The following CUBN variants were observed in gnomAD, a reference collection of about 807,000 sequenced individuals.
CUBN encodes the protein 460 kDa receptor.
CUBN carries 282 observed loss-of-function variants against 405.3 expected under a neutral mutation model. The ratio of observed to expected loss-of-function variants is 0.70; its 90% CI spans 0.63 to 0.77. The LOEUF is 0.77. Ranked by LOEUF, CUBN falls within the 30% of genes least tolerant of loss-of-function variation. CUBN has a pLI of 0.00. For synonymous variants in CUBN, 1,684 were observed against 1,617.0 expected (o/e 1.04, Z -0.99); for missense variants, 4,514 against 4,475.2 (o/e 1.01, Z -0.25).
At chr10:17,056,608 C>CA (rs1028143372) in intron 22 of CUBN, among the ~76,000 whole-genome samples, 55 of 141,220 alleles carry the variant, frequency 3.9e-4, no homozygotes, top group Admixed American at 1.3e-3. Flanking sequence ...GACTCCGTCT[C>CA]AAAAAAAAAA....
At chr10:16,851,500 A>T in intron 59 of CUBN, 57 bp from the exon 60 acceptor site, 1 of 1,451,790 alleles carries the variant, frequency 6.9e-7, no homozygotes, top group Non-Finnish European at 9.7e-7. Context: ...CTTACATTGT[A>T]CATGGAGGGT....
At position 16,938,890 on chromosome 10, in the gene CUBN, G is replaced by T. The variant is rs1026468838; in HGVS notation, c.5733+73C>A. 3 of 1,345,674 alleles carry T rather than the reference G, an allele frequency of 2.2e-6. 1 individual carries two copies. Among genetic ancestry groups the T allele is most frequent in the South Asian group, 2.4e-5 (2 of 85,058 alleles). 83.4% of individuals were successfully genotyped at this position (1,345,674 alleles called of 1,614,324 possible). On this transcript the variant is annotated intron_variant, in intron 38 of 66. Coordinates refer to ENST00000377833, the MANE Select transcript of CUBN (RefSeq NM_001081.4). The stretch of plus-strand genomic sequence containing the variant: ...ATGATTTGCAAATGCTTGAATAGAC[G>T]TTACCTTGGATTTATTTTTACCAAT...
Position 16,948,698 on chromosome 10 carries a change from G to A in CUBN, c.5081-92C>T, listed in dbSNP as rs1199538424. ...ACACATCTTTACTCGAATTACAAGA[G>A]ACCAAAACAAAGTGAAGAAATTGCC... On this transcript the variant is annotated intron_variant, in intron 34 of 66. Transcript: ENST00000377833. 6 of 1,525,064 alleles carry A rather than the reference G, an allele frequency of 3.9e-6. No homozygotes were observed. In the Admixed American group the frequency reaches 7.5e-5, roughly 19 times the overall value. The allele number at this position is 1,525,064 out of a possible 1,614,324, so 94.5% of individuals were successfully genotyped here.
chr10:16,864,490 T>C (rs1343025486), intron 59 of CUBN, among the ~76,000 whole-genome samples: 2 of 152,094 alleles, frequency 1.3e-5, no homozygotes, highest in Non-Finnish European at 2.9e-5. Context: ...ATCTGCTTTA[T>C]CCCCATCACA....
intron 58 of CUBN, among the ~76,000 whole-genome samples, chr10:16,872,900 T>C (rs1840401921): frequency 6.6e-6 from 1 of 152,176 alleles, no homozygotes; most frequent in Non-Finnish European, 1.5e-5. Flanking sequence ...CTACAAATAG[T>C]CCAGGTAAGA....
chr10:17,047,442 T>G lies in CUBN; in HGVS notation c.3301A>C (p.Asn1101His). 1 of 1,613,900 alleles carries G rather than the reference T, an allele frequency of 6.2e-7. No homozygotes were observed. Among genetic ancestry groups the G allele is most frequent in the South Asian group, 1.1e-5 (1 of 91,072 alleles). ...ATTTCCAGAAAATCTGTATAATAGT[T>G]TCCAATGGCTTCCTCCAAGGAGAAG... ...TNFSLEEAIG[N>H]YYTDFLEIRD... The change falls in exon 23 of 67, where the codon AAC (asparagine) becomes CAC (histidine). Residue 1101 changes from asparagine to histidine, a missense_variant. Physicochemically the swap from Asn to His is moderately conservative, Grantham distance 68 (BLOSUM62 1). This residue lies in a region of CUBN where 1,448 missense variants were observed against 1,388.0 expected (regional missense o/e 1.04). Transcript: ENST00000377833.
chr10:16,900,496 C>T, intron 53 of CUBN, 129 bp downstream of exon 53: 1 of 764,052 alleles, frequency 1.3e-6, no homozygotes, highest in Non-Finnish European at 2.3e-6. Context: ...ACCAGGGTTG[C>T]TGCATGAGAT....
chr10:16,925,188 A>C, intron 43 of CUBN, 53 bp downstream of exon 43: 1 of 1,471,042 alleles, frequency 6.8e-7, no homozygotes, highest in Non-Finnish European at 9.5e-7. Context: ...TATATCAAAG[A>C]AGATCAAGCA....
chr10:17,076,526 TG>T (rs1216188388), intron 17 of CUBN, among the ~76,000 whole-genome samples: 1 of 150,720 alleles, frequency 6.6e-6, no homozygotes, highest in Non-Finnish European at 1.5e-5. Flanking sequence ...GCTCATGAAC[TG>T]GGATGGATGG....
At chr10:16,861,426 C>T (rs533401535) in intron 59 of CUBN, among the ~76,000 whole-genome samples, 14 of 152,036 alleles carry the variant, frequency 9.2e-5, no homozygotes, top group Admixed American at 7.8e-4. Context: ...GCCTCCCAAG[C>T]GCTGGGATTA....
At chr10:17,104,706 T>C in intron 11 of CUBN, 101 bp from the exon 12 acceptor site, 1 of 313,566 alleles carries the variant, frequency 3.2e-6, no homozygotes, top group Non-Finnish European at 5.9e-6. Context: ...AGATATATAA[T>C]ATATAATAAT....
intron 22 of CUBN, among the ~76,000 whole-genome samples, chr10:17,052,668 G>A (rs112044199): frequency 3.4e-5 from 5 of 146,576 alleles, no homozygotes; most frequent in African/African-American, 1.0e-4. Flanking sequence ...GCTGAGGCAC[G>A]AGAATTGCTG....
intron 31 of CUBN, among the ~76,000 whole-genome samples, chr10:16,963,157 C>T (rs1843280959): frequency 6.8e-6 from 1 of 146,530 alleles, no homozygotes. Flanking sequence ...CAGAAATTCT[C>T]ATATATACAT....
At chr10:16,927,493 T>C (rs1315338946) in intron 41 of CUBN, among the ~76,000 whole-genome samples, 1 of 152,236 alleles carries the variant, frequency 6.6e-6, no homozygotes, top group East Asian at 1.9e-4. Flanking sequence ...AAATATTAGA[T>C]TAATTTTTAA....
At chr10:17,035,476 G>A (rs1378884607) in intron 27 of CUBN, among the ~76,000 whole-genome samples, 1 of 152,158 alleles carries the variant, frequency 6.6e-6, no homozygotes, top group South Asian at 2.1e-4. Context: ...GAAACTGGAA[G>A]AAGAGACATG....
intron 8 of CUBN, among the ~76,000 whole-genome samples, chr10:17,112,687 C>T (rs1836797997): frequency 6.6e-6 from 1 of 151,490 alleles, no homozygotes; most frequent in African/African-American, 2.4e-5. Flanking sequence ...TCCAGTTTTA[C>T]AAGATCTAAA....
At chr10:16,948,164 G>A (rs1198313058) in intron 35 of CUBN, among the ~76,000 whole-genome samples, 1 of 152,162 alleles carries the variant, frequency 6.6e-6, no homozygotes, top group African/African-American at 2.4e-5. Context: ...AGCCAAGACC[G>A]TGCCATTGCA....
intron 29 of CUBN, among the ~76,000 whole-genome samples, chr10:16,988,142 C>A (rs1164885359): frequency 6.6e-6 from 1 of 152,128 alleles, no homozygotes; most frequent in African/African-American, 2.4e-5. Context: ...TATGACACAA[C>A]CCGAAACACA....
At chr10:17,126,998 T>C (rs1269861023) in intron 3 of CUBN, among the ~76,000 whole-genome samples, 199 bp from the exon 4 acceptor site, 1 of 152,148 alleles carries the variant, frequency 6.6e-6, no homozygotes, top group East Asian at 1.9e-4. Flanking sequence ...CATAGATTTC[T>C]GGGGTTTTTT....
Sources: gnomAD v4.1 joint callset for allele counts (sites outside exome capture counted in the v4.1 genomes callset) on GRCh38, gnomAD v4.1.1 for gene constraint, gnomAD v4.1.1 regional missense constraint, MANE v1.5 for transcripts, NCBI Gene and HGNC (gene_info 2026-07-23, HGNC 2026-07-21) for gene names.